The following GPHN variants were observed in gnomAD, a reference collection of about 807,000 sequenced individuals.
GPHN encodes the protein gephyrin.
A neutral mutation model predicts 95.5 loss-of-function variants in GPHN; 17 were observed. The observed-to-expected ratio is 0.18, with a 90% confidence interval of 0.12 to 0.27. The LOEUF is 0.27. Among genes scored for constraint, GPHN ranks in the 10% least tolerant of loss-of-function variants. GPHN has a pLI of 1.00. For missense variants in GPHN, 660 were observed against 978.1 expected (o/e 0.67, Z 4.34); for synonymous variants, 320 against 322.5 (o/e 0.99, Z 0.08).
chr14:67,373,319 A>T, the GPHN span, among the ~76,000 whole-genome samples: 1 of 152,216 alleles, frequency 6.6e-6, no homozygotes, highest in East Asian at 1.9e-4. Context: ...ATTTTACTAT[A>T]TGTAAGTCAT....
chr14:66,782,477 G>T (rs901991597), intron 3 of GPHN, among the ~76,000 whole-genome samples: 3 of 152,024 alleles, frequency 2.0e-5, no homozygotes, highest in African/African-American at 7.2e-5. Context: ...ATTCCTTCCA[G>T]ATCCTTCCTA....
chr14:67,273,826 A>G, the GPHN span, among the ~76,000 whole-genome samples: 2 of 152,168 alleles, frequency 1.3e-5, no homozygotes, highest in African/African-American at 2.4e-5. Flanking sequence ...AACTGGTGTG[A>G]GATGGTATCT....
At chr14:67,350,700 C>T in the GPHN span, 1 of 1,611,476 alleles carries the variant, frequency 6.2e-7, no homozygotes, top group Non-Finnish European at 8.5e-7. Flanking sequence ...TCTGGAAAAG[C>T]ATAAACCAAC....
the GPHN span, among the ~76,000 whole-genome samples, chr14:67,590,496 C>G: frequency 6.6e-6 from 1 of 152,120 alleles, no homozygotes; most frequent in Non-Finnish European, 1.5e-5. Flanking sequence ...GTAGCTAGGA[C>G]TACAGGCACG....
At chr14:67,582,579 G>A in the GPHN span, among the ~76,000 whole-genome samples, 1 of 151,912 alleles carries the variant, frequency 6.6e-6, no homozygotes, top group Admixed American at 6.6e-5. The surrounding 1 kb of genome is among the most constrained non-coding windows in gnomAD (Gnocchi z 5.0). Flanking sequence ...AGCACTTTGC[G>A]AGGCCGAGGC....
intron 10 of GPHN, among the ~76,000 whole-genome samples, chr14:67,030,388 C>T (rs1413280175): frequency 6.6e-6 from 1 of 152,138 alleles, no homozygotes; most frequent in African/African-American, 2.4e-5. Context: ...TATCATACTC[C>T]TTTAATAACA....
intron 9 of GPHN, among the ~76,000 whole-genome samples, chr14:67,003,040 C>T (rs558921610): frequency 6.6e-6 from 1 of 151,656 alleles, no homozygotes; most frequent in South Asian, 2.1e-4. Context: ...TACATGAACA[C>T]TTAATGTCTT....
the GPHN span, chr14:67,656,592 G>T: frequency 6.3e-7 from 1 of 1,597,250 alleles, no homozygotes; most frequent in South Asian, 1.1e-5. Flanking sequence ...AGCCGATTCT[G>T]AAAGAAGTAT....
the GPHN span, among the ~76,000 whole-genome samples, chr14:67,565,356 A>T: frequency 6.6e-6 from 1 of 151,958 alleles, no homozygotes; most frequent in African/African-American, 2.4e-5. Flanking sequence ...GGATCTTTCC[A>T]CCCCAGCCTT....
chr14:66,639,204 G>A (rs2064263657), intron 1 of GPHN, among the ~76,000 whole-genome samples: 1 of 151,370 alleles, frequency 6.6e-6, no homozygotes, highest in Non-Finnish European at 1.5e-5. Context: ...AATTATAAGT[G>A]GTGTTATAAG....
intron 9 of GPHN, among the ~76,000 whole-genome samples, chr14:66,970,686 A>C (rs937029920): frequency 2.6e-5 from 4 of 152,204 alleles, no homozygotes; most frequent in Non-Finnish European, 4.4e-5. Flanking sequence ...ACTATACTAG[A>C]CATCAAGCTT....
chr14:66,744,051 A>G (rs28691257), intron 2 of GPHN, among the ~76,000 whole-genome samples: 7 of 151,950 alleles, frequency 4.6e-5, no homozygotes, highest in Non-Finnish European at 1.5e-5. Flanking sequence ...TTCATCTTTC[A>G]TCTATCCCAA....
intron 4 of GPHN, among the ~76,000 whole-genome samples, chr14:66,833,355 G>A (rs1566993874): frequency 6.6e-6 from 1 of 152,044 alleles, no homozygotes; most frequent in Non-Finnish European, 1.5e-5. Flanking sequence ...AAGCATGAGG[G>A]TAACTGCCCC....
At chr14:67,407,925 A>G in the GPHN span, among the ~76,000 whole-genome samples, 7 of 152,162 alleles carry the variant, frequency 4.6e-5, no homozygotes, top group Non-Finnish European at 1.0e-4. Context: ...ATGCACTATG[A>G]TCACACCTGT....
the GPHN span, chr14:67,576,449 GGCACTGCCTATGA>G: frequency 6.2e-7 from 1 of 1,611,034 alleles, no homozygotes; most frequent in Non-Finnish European, 8.5e-7. The surrounding 1 kb of genome is among the most constrained non-coding windows in gnomAD (Gnocchi z 4.0). Flanking sequence ...TGCCAAGGTG[GGCACTGCCTATGA>G]GCAGCTCATT....
chr14:67,550,410 A>G, the GPHN span, among the ~76,000 whole-genome samples: 1 of 152,232 alleles, frequency 6.6e-6, no homozygotes, highest in South Asian at 2.1e-4. Context: ...GCTGGTCTCC[A>G]AGTCCTGAGC....
At chr14:66,790,108 ATTTACT>A (rs1398685896) in intron 3 of GPHN, among the ~76,000 whole-genome samples, 1 of 152,128 alleles carries the variant, frequency 6.6e-6, no homozygotes, top group Non-Finnish European at 1.5e-5. Flanking sequence ...AAGCTTGAAT[ATTTACT>A]TTTAATTAAG....
At chr14:67,404,653 T>TA in the GPHN span, among the ~76,000 whole-genome samples, 2 of 150,986 alleles carry the variant, frequency 1.3e-5, no homozygotes, top group Admixed American at 6.6e-5. Context: ...CTACAAATAA[T>TA]AAAAAAATTA....
chr14:66,882,856 T>TAA (rs549713805), intron 5 of GPHN, among the ~76,000 whole-genome samples: 3 of 143,006 alleles, frequency 2.1e-5, no homozygotes, highest in Admixed American at 7.0e-5. Context: ...CTTTCAGCAT[T>TAA]AAAAAAAAAA....
Sources: gnomAD v4.1 joint callset for allele counts (sites outside exome capture counted in the v4.1 genomes callset) on GRCh38, gnomAD v4.1.1 for gene constraint, Gnocchi (gnomAD v3.1) non-coding constraint, MANE v1.5 for transcripts, NCBI Gene and HGNC (gene_info 2026-07-23, HGNC 2026-07-21) for gene names.